The following LARGE1 variants were observed in gnomAD, a reference collection of about 807,000 sequenced individuals.
LARGE1 encodes the protein xylosyl- and glucuronyltransferase LARGE1.
A neutral mutation model predicts 87.6 loss-of-function variants in LARGE1; 43 were observed. That is an observed-to-expected ratio of 0.49 (90% CI 0.38 to 0.63). The LOEUF (loss-of-function observed/expected upper bound fraction) is 0.63. LARGE1 is among the 30% of genes least tolerant of loss of function. The pLI is 0.00. For synonymous variants in LARGE1, 434 were observed against 394.6 expected (o/e 1.10, Z -1.18); for missense variants, 802 against 1,000.2 (o/e 0.80, Z 2.67).
At chr22:33,098,833 A>G in the LARGE1 span, among the ~76,000 whole-genome samples, 2 of 152,200 alleles carry the variant, frequency 1.3e-5, no homozygotes, top group African/African-American at 2.4e-5. Context: ...GGCCGTGAAG[A>G]GGACAGAAAG....
intron 7 of LARGE1, among the ~76,000 whole-genome samples, chr22:33,417,644 A>G (rs777953208): frequency 6.6e-6 from 1 of 152,226 alleles, no homozygotes; most frequent in Non-Finnish European, 1.5e-5. Context: ...TCTTCTGATT[A>G]GAGTCTTGCA....
intron 6 of LARGE1, among the ~76,000 whole-genome samples, chr22:33,469,876 T>C (rs1165949798): frequency 2.3e-5 from 3 of 129,200 alleles, no homozygotes; most frequent in African/African-American, 8.7e-5. Context: ...TATTGGGTGC[T>C]ATGTTTACTC....
intron 2 of LARGE1, among the ~76,000 whole-genome samples, chr22:33,749,613 TGTAAGCCAGCC>T (rs1463735801): frequency 6.6e-6 from 1 of 152,266 alleles, no homozygotes; most frequent in Non-Finnish European, 1.5e-5. Flanking sequence ...CTGTTTAGGC[TGTAAGCCAGCC>T]TAGATGACTC....
chr22:33,560,754 A>C (rs1236691836), intron 6 of LARGE1, among the ~76,000 whole-genome samples: 1 of 151,934 alleles, frequency 6.6e-6, no homozygotes, highest in African/African-American at 2.4e-5. Context: ...GTTCAGTTTC[A>C]CTATGTAATA....
intron 7 of LARGE1, among the ~76,000 whole-genome samples, chr22:33,386,708 G>A (rs1235516891): frequency 6.7e-6 from 1 of 148,204 alleles, no homozygotes; most frequent in African/African-American, 2.5e-5. Flanking sequence ...ACAATGTTGG[G>A]GGGGGTAGAA....
intron 2 of LARGE1, among the ~76,000 whole-genome samples, chr22:33,703,547 C>G (rs539955165): frequency 1.3e-5 from 2 of 152,154 alleles, no homozygotes; most frequent in Admixed American, 6.5e-5. Context: ...CCTGCTGGGC[C>G]TGATATAATT....
At position 33,316,119 on chromosome 22, in the gene LARGE1, C is replaced by G. The variant is rs373143650; in HGVS notation, c.1417G>C (p.Asp473His). ...YEYEPAADST[D>H]VTLVAQLSMD... Reference sequence around the variant, plus strand: ...GACAGCTGAGCGACCAGGGTGACGTCCGTGCTGTCTGCTGCAGGCTCATAC... The same window carrying G: ...GACAGCTGAGCGACCAGGGTGACGTGCGTGCTGTCTGCTGCAGGCTCATAC... The change falls in exon 11 of 15, where the codon GAC becomes CAC. Residue 473 changes from aspartate to histidine, a missense_variant. Coordinates refer to ENST00000397394, the MANE Select transcript of LARGE1 (RefSeq NM_133642.5). 3.1e-6 allele frequency: 5 copies of G among 1,613,954 alleles called. No individual in the cohort carries two copies. Among genetic ancestry groups the G allele is most frequent in the African/African-American group, 1.3e-5 (1 of 74,912 alleles).
the LARGE1 span, among the ~76,000 whole-genome samples, chr22:33,156,822 C>T: frequency 4.7e-4 from 72 of 152,090 alleles, no homozygotes; most frequent in African/African-American, 1.6e-3. Flanking sequence ...TTGTAACTCC[C>T]GCAATTCCAA....
intron 1 of LARGE1, among the ~76,000 whole-genome samples, chr22:33,773,141 A>T (rs778715948): frequency 3.9e-5 from 6 of 152,166 alleles, no homozygotes; most frequent in Non-Finnish European, 5.9e-5. Context: ...CCACACAGGA[A>T]GCAACTGGTG....
intron 6 of LARGE1, among the ~76,000 whole-genome samples, chr22:33,489,266 G>A (rs1162345109): frequency 6.6e-6 from 1 of 152,214 alleles, no homozygotes; most frequent in African/African-American, 2.4e-5. Context: ...GGTCGTGGAG[G>A]GAGAGGGAAG....
At chr22:33,333,298 G>A (rs1263373429) in intron 10 of LARGE1, among the ~76,000 whole-genome samples, 5 of 151,928 alleles carry the variant, frequency 3.3e-5, no homozygotes, top group African/African-American at 4.8e-5. Flanking sequence ...GATTACAGGC[G>A]TGAGCCACTG....
rs751160181 is a variant in LARGE1, at chr22:33,604,475, G to A, written c.575C>T (p.Pro192Leu). The A allele has an allele frequency of 6.2e-7, 1 of 1,614,126 alleles. No individual in the cohort carries two copies. Among genetic ancestry groups the A allele is most frequent in the Non-Finnish European group, 8.5e-7 (1 of 1,179,998 alleles). The change falls in exon 5 of 15, where the codon CCC becomes CTC. Residue 192 changes from proline to leucine, a missense_variant. Physicochemically the swap from Pro to Leu is moderately conservative, Grantham distance 98 (BLOSUM62 -3). This residue lies in a region of LARGE1 where 625 missense variants were observed against 841.9 expected (regional missense o/e 0.74). Transcript: ENST00000397394. ...ATTGTAGAAGTCCACACGCACAGCG[G>A]GCACCATCCAGGTCTGGAAGAGCGT... ...LATLFQTWMV[P>L]AVRVDFYNAD...
chr22:33,601,388 G>A (rs569891532), intron 5 of LARGE1, among the ~76,000 whole-genome samples: 6 of 152,268 alleles, frequency 3.9e-5, no homozygotes, highest in African/African-American at 1.4e-4. Flanking sequence ...CTCAGTTCCA[G>A]AACAGCAACT....
the LARGE1 span, among the ~76,000 whole-genome samples, chr22:33,133,149 G>A: frequency 2.2e-4 from 33 of 152,294 alleles, no homozygotes; most frequent in Non-Finnish European, 4.9e-4. Context: ...GGTCCTGTAG[G>A]AAGAAGAAAC....
intron 1 of LARGE1, among the ~76,000 whole-genome samples, chr22:33,866,358 C>T (rs1217635028): frequency 6.6e-6 from 1 of 152,148 alleles, no homozygotes; most frequent in Admixed American, 6.5e-5. Flanking sequence ...TAAAATTAAA[C>T]AAAATTAAAA....
intron 6 of LARGE1, among the ~76,000 whole-genome samples, chr22:33,471,831 TAGACCAGCCTGGCCAAG>T (rs909117866): frequency 4.6e-5 from 7 of 152,234 alleles, no homozygotes; most frequent in Admixed American, 3.3e-4. Context: ...TCAGGAGTTC[TAGACCAGCCTGGCCAAG>T]AGACCAGCCT....
At chr22:33,809,497 G>C (rs552700182) in intron 1 of LARGE1, among the ~76,000 whole-genome samples, 2 of 152,208 alleles carry the variant, frequency 1.3e-5, no homozygotes, top group African/African-American at 2.4e-5. Flanking sequence ...TGTATTATTA[G>C]ATGCAAGGAC....
At chr22:33,641,761 C>A (rs2080441204) in intron 3 of LARGE1, among the ~76,000 whole-genome samples, 1 of 151,958 alleles carries the variant, frequency 6.6e-6, no homozygotes, top group Non-Finnish European at 1.5e-5. Context: ...ATAGCCGAAT[C>A]AATCAAACAG....
At position 33,382,049 on chromosome 22, in the gene LARGE1, G is replaced by A. The variant is rs977498462; in HGVS notation, c.1006-5C>T. The A allele has an allele frequency of 1.9e-6, 3 of 1,614,012 alleles. No homozygotes were observed. Among genetic ancestry groups the A allele is most frequent in the Admixed American group, 1.7e-5 (1 of 60,006 alleles). On this transcript the variant is annotated splice_region_variant and splice_polypyrimidine_tract_variant and intron_variant, in intron 8 of 14. Coordinates refer to ENST00000397394, the MANE Select transcript of LARGE1 (RefSeq NM_133642.5). ...GATGACGGCATTGAAAATATCCTGG[G>A]GGATGAAAGCCAAAGACACAGTCAA...
Sources: allele counts gnomAD v4.1 joint callset (sites outside exome capture counted in the v4.1 genomes callset), GRCh38; gene constraint gnomAD v4.1.1; regional missense constraint gnomAD v4.1.1; transcripts MANE v1.5; gene names NCBI Gene and HGNC (gene_info 2026-07-23, HGNC 2026-07-21).